VPS13D: variants seen among roughly 807,000 people sequenced by gnomAD.
The protein encoded by VPS13D is intermembrane lipid transfer protein VPS13D.
VPS13D carries 187 observed loss-of-function variants against 461.9 expected under a neutral mutation model. The ratio of observed to expected loss-of-function variants is 0.40; its 90% CI spans 0.36 to 0.46. VPS13D has a LOEUF of 0.46. VPS13D is among the 20% of genes least tolerant of loss of function. The probability of loss-of-function intolerance (pLI) is 0.60; values close to 1 mark genes in which losing one functional copy is unlikely to be tolerated. For missense variants in VPS13D, 4,711 were observed against 5,364.9 expected (o/e 0.88, Z 3.81); for synonymous variants, 1,951 against 1,986.3 (o/e 0.98, Z 0.47).
chr1:12,441,438 A>G (rs961712119), intron 65 of VPS13D, among the ~76,000 whole-genome samples: 2 of 152,184 alleles, frequency 1.3e-5, no homozygotes, highest in Admixed American at 6.5e-5. Context: ...CAGCACCCCA[A>G]CCAGCCTTGT....
chr1:12,270,768 T>G (rs1036583050), intron 16 of VPS13D, among the ~76,000 whole-genome samples: 1 of 152,098 alleles, frequency 6.6e-6, no homozygotes, highest in African/African-American at 2.4e-5. Flanking sequence ...CAGGCTAGAG[T>G]GCAGTGGCGT....
intron 68 of VPS13D, among the ~76,000 whole-genome samples, chr1:12,503,969 G>A (rs1646069917): frequency 6.6e-6 from 1 of 152,114 alleles, no homozygotes; most frequent in Admixed American, 6.5e-5. Flanking sequence ...ACGGAAGAAG[G>A]TGCAGCTTGG....
At chr1:12,487,484 A>T (rs1645813012) in intron 67 of VPS13D, among the ~76,000 whole-genome samples, 1 of 151,972 alleles carries the variant, frequency 6.6e-6, no homozygotes. Flanking sequence ...GGTGCCGTAT[A>T]CCTGTAATCC....
At chr1:12,379,869 C>T (rs868361399) in intron 57 of VPS13D, among the ~76,000 whole-genome samples, 2 of 151,668 alleles carry the variant, frequency 1.3e-5, no homozygotes, top group African/African-American at 2.4e-5. Flanking sequence ...CCCGGGTTCA[C>T]GCCATTCTCC....
chr1:12,355,213 C>T (rs1302237743), intron 47 of VPS13D, among the ~76,000 whole-genome samples: 1 of 152,194 alleles, frequency 6.6e-6, no homozygotes, highest in African/African-American at 2.4e-5. Context: ...ATCAGGTCTT[C>T]AATCTTGTCT....
intron 5 of VPS13D, among the ~76,000 whole-genome samples, chr1:12,247,336 G>C (rs1409228695): frequency 1.3e-5 from 2 of 151,492 alleles, no homozygotes; most frequent in African/African-American, 4.9e-5. Flanking sequence ...AAAGTCGCTT[G>C]AACCCGGGAG....
chr1:12,468,077 T>A (rs554954283), intron 67 of VPS13D, among the ~76,000 whole-genome samples: 1 of 152,222 alleles, frequency 6.6e-6, no homozygotes, highest in Non-Finnish European at 1.5e-5. Flanking sequence ...CATTTAAAAA[T>A]GAAATAATGT....
chr1:12,309,816 A>G (rs1438332718), intron 27 of VPS13D, among the ~76,000 whole-genome samples: 4 of 151,658 alleles, frequency 2.6e-5, no homozygotes, highest in Non-Finnish European at 5.9e-5. Flanking sequence ...TGTATAGAGC[A>G]TGATTTGAAT....
chr1:12,339,696 T>C (rs1643526280), intron 40 of VPS13D, among the ~76,000 whole-genome samples: 1 of 152,232 alleles, frequency 6.6e-6, no homozygotes, highest in Non-Finnish European at 1.5e-5. Flanking sequence ...TTGCCTGATG[T>C]TGGGCTTGGA....
chr1:12,254,495 G>C (rs1437845761), intron 7 of VPS13D, among the ~76,000 whole-genome samples: 1 of 142,790 alleles, frequency 7.0e-6, no homozygotes, highest in Admixed American at 7.1e-5. Flanking sequence ...GTTTGTGAAG[G>C]ATTAAAAAAA....
chr1:12,253,634 A>G lies in VPS13D; in HGVS notation c.565-88A>G, dbSNP rs550510166. The G allele has an allele frequency of 2.2e-5, 23 of 1,056,856 alleles. No individual in the cohort carries two copies. The South Asian group carries it at 2.5e-4, about 12-fold the overall frequency. 65.5% of individuals were successfully genotyped at this position (1,056,856 alleles called of 1,614,324 possible). A position where few individuals can be genotyped will look rare whatever the true frequency, so the allele number is the denominator to read the frequency against. On this transcript the variant is annotated intron_variant, in intron 6 of 69. Transcript: ENST00000620676. ...CAGCACCTTGCAAAGTACCTGACACATGATTCTTTACAAATGGTTTGTTGA... is the reference window on the plus strand; with the variant it reads ...CAGCACCTTGCAAAGTACCTGACACGTGATTCTTTACAAATGGTTTGTTGA...
chr1:12,294,777 A>C (rs921263943), intron 24 of VPS13D, among the ~76,000 whole-genome samples: 1 of 151,348 alleles, frequency 6.6e-6, no homozygotes, highest in Non-Finnish European at 1.5e-5. Flanking sequence ...GCGCCACTGC[A>C]CTCCAGTCTG....
At chr1:12,240,170 C>G (rs1322012989) in intron 2 of VPS13D, among the ~76,000 whole-genome samples, 1 of 152,024 alleles carries the variant, frequency 6.6e-6, no homozygotes, top group African/African-American at 2.4e-5. Context: ...CCTCCTTTGC[C>G]CTCTTATGCT....
At chr1:12,310,520 C>G (rs568588812) in intron 27 of VPS13D, among the ~76,000 whole-genome samples, 1 of 152,276 alleles carries the variant, frequency 6.6e-6, no homozygotes, top group Non-Finnish European at 1.5e-5. Flanking sequence ...TTACTTCTGT[C>G]CATCCCAGCT....
chr1:12,234,557 G>A (rs900568330), intron 2 of VPS13D, among the ~76,000 whole-genome samples, 194 bp downstream of exon 2: 2 of 152,064 alleles, frequency 1.3e-5, no homozygotes, highest in African/African-American at 4.8e-5. Flanking sequence ...TAGATTTTAA[G>A]GAACTATTAA....
chr1:12,404,478 C>G (rs930193025), intron 63 of VPS13D, among the ~76,000 whole-genome samples: 1 of 152,148 alleles, frequency 6.6e-6, no homozygotes, highest in Non-Finnish European at 1.5e-5. Flanking sequence ...AGCCCACTTA[C>G]CCACTGGGAT....
chr1:12,293,215 A>G (rs1181050318), intron 23 of VPS13D, among the ~76,000 whole-genome samples: 5 of 152,196 alleles, frequency 3.3e-5, no homozygotes, highest in Non-Finnish European at 7.3e-5. Context: ...AATCTTTGCC[A>G]GGAACATGGT....
chr1:12,300,066 G>A (rs147143564), intron 25 of VPS13D, among the ~76,000 whole-genome samples: 4 of 151,858 alleles, frequency 2.6e-5, no homozygotes, highest in East Asian at 1.9e-4. Flanking sequence ...ACAAGTAAAC[G>A]TGTTTCCCTG....
At chr1:12,439,930 C>A (rs1645108402) in intron 65 of VPS13D, among the ~76,000 whole-genome samples, 1 of 152,178 alleles carries the variant, frequency 6.6e-6, no homozygotes, top group Non-Finnish European at 1.5e-5. Flanking sequence ...CTTTACTGTG[C>A]TGTTTTCCTA....
Sources: allele counts gnomAD v4.1 joint callset (sites outside exome capture counted in the v4.1 genomes callset), GRCh38; gene constraint gnomAD v4.1.1; transcripts MANE v1.5; gene names NCBI Gene and HGNC (gene_info 2026-07-23, HGNC 2026-07-21).